The following SGCD variants were observed in gnomAD, a reference collection of about 807,000 sequenced individuals.
SGCD encodes delta-sarcoglycan.
A neutral mutation model predicts 36.6 loss-of-function variants in SGCD; 18 were observed. The ratio of observed to expected loss-of-function variants is 0.49; its 90% confidence interval spans 0.34 to 0.73. The LOEUF (loss-of-function observed/expected upper bound fraction) is 0.73. Ranked by LOEUF, SGCD falls within the 30% of genes least tolerant of loss-of-function variation. SGCD has a pLI of 0.01. For missense variants in SGCD, 387 were observed against 346.7 expected, an observed-to-expected ratio of 1.12 and a Z score of -0.92; for synonymous variants, 133 against 130.6, an observed-to-expected ratio of 1.02 and a Z score of -0.12.
chr5:156,486,321 C>A (rs1305618306), intron 3 of SGCD, among the ~76,000 whole-genome samples: 1 of 152,048 alleles, frequency 6.6e-6, no homozygotes, highest in Non-Finnish European at 1.5e-5. Flanking sequence ...AGAAAGGCTG[C>A]CCCTGAGACA....
At chr5:155,992,357 C>T (rs759548340) in intron 1 of SGCD, among the ~76,000 whole-genome samples, 22 of 152,158 alleles carry the variant, frequency 1.4e-4, no homozygotes, top group Admixed American at 3.3e-4. Flanking sequence ...AGCGCTGCCT[C>T]GGGTGTGCAG....
chr5:155,954,120 A>G (rs185986931), intron 1 of SGCD, among the ~76,000 whole-genome samples: 49 of 152,064 alleles, frequency 3.2e-4, no homozygotes, highest in Admixed American at 2.8e-3. Flanking sequence ...CTAAAACTTG[A>G]CTCTTCTCCA....
intron 1 of SGCD, among the ~76,000 whole-genome samples, chr5:156,055,579 C>T (rs1185570101): frequency 6.8e-6 from 1 of 146,334 alleles, no homozygotes; most frequent in Non-Finnish European, 1.5e-5. Flanking sequence ...CTCACATATA[C>T]CTCTACTATC....
chr5:156,177,588 T>C (rs1444464912), intron 3 of SGCD, among the ~76,000 whole-genome samples: 3 of 152,182 alleles, frequency 2.0e-5, no homozygotes, highest in Non-Finnish European at 4.4e-5. Context: ...AAGGGATAAT[T>C]TATATACAAT....
chr5:156,110,741 T>C (rs1380510949), intron 1 of SGCD, among the ~76,000 whole-genome samples: 1 of 152,134 alleles, frequency 6.6e-6, no homozygotes, highest in Non-Finnish European at 1.5e-5. Context: ...GGAGTAATTA[T>C]CAGTAATGTT....
intron 3 of SGCD, among the ~76,000 whole-genome samples, chr5:156,450,291 C>A (rs963464761): frequency 2.0e-5 from 3 of 151,976 alleles, no homozygotes; most frequent in South Asian, 2.1e-4. Flanking sequence ...TCAATGGGAA[C>A]CTAGGTGCAG....
At chr5:156,406,790 TTATATATATATATATATA>T (rs200600544) in intron 3 of SGCD, among the ~76,000 whole-genome samples, 1 of 75,656 alleles carries the variant, frequency 1.3e-5, no homozygotes, top group African/African-American at 5.1e-5. Context: ...ATAGGAGATT[TTATATATATATATATATA>T]TATATATATA....
At chr5:155,783,215 CT>C in the SGCD span, among the ~76,000 whole-genome samples, 1 of 152,134 alleles carries the variant, frequency 6.6e-6, no homozygotes, top group Non-Finnish European at 1.5e-5. Flanking sequence ...TTGTGAGTGC[CT>C]TTGGCGGGAA....
chr5:156,332,652 GTCTAAGTC>G (rs776659244), intron 2 of SGCD, among the ~76,000 whole-genome samples: 13 of 152,202 alleles, frequency 8.5e-5, no homozygotes, highest in Non-Finnish European at 1.9e-4. Flanking sequence ...TGTTGAGATG[GTCTAAGTC>G]TCTGTTGAGC....
intron 3 of SGCD, among the ~76,000 whole-genome samples, chr5:156,126,887 T>A (rs1762184957): frequency 6.6e-6 from 1 of 152,228 alleles, no homozygotes; most frequent in African/African-American, 2.4e-5. Context: ...AATTCTTCAT[T>A]TCCCAGGCTT....
the SGCD span, among the ~76,000 whole-genome samples, chr5:155,728,016 C>G: frequency 6.6e-6 from 1 of 152,262 alleles, no homozygotes; most frequent in Non-Finnish European, 1.5e-5. Context: ...CCACCCCGCC[C>G]GCGTTTCGCT....
chr5:156,041,293 G>A (rs1462707687), intron 1 of SGCD, among the ~76,000 whole-genome samples: 1 of 152,222 alleles, frequency 6.6e-6, no homozygotes, highest in African/African-American at 2.4e-5. Context: ...CCCAGAATGG[G>A]TTGATTGCCT....
intron 1 of SGCD, among the ~76,000 whole-genome samples, chr5:155,897,289 A>C (rs987955231): frequency 1.3e-5 from 2 of 152,208 alleles, no homozygotes; most frequent in African/African-American, 4.8e-5. Flanking sequence ...TACTATAAAA[A>C]TATGATATAA....
At chr5:156,588,990 G>T (rs1262736570) in intron 4 of SGCD, among the ~76,000 whole-genome samples, 4 of 132,720 alleles carry the variant, frequency 3.0e-5, no homozygotes, top group Admixed American at 1.5e-4. Flanking sequence ...AATCTATATT[G>T]TGTGTGTGTG....
intron 1 of SGCD, among the ~76,000 whole-genome samples, chr5:155,906,036 C>T (rs1269894493): frequency 6.6e-6 from 1 of 152,028 alleles, no homozygotes; most frequent in Non-Finnish European, 1.5e-5. Context: ...TCCATTTTTC[C>T]AACAGCATGG....
In SGCD at chr5:156,766,109, T is replaced by G. The variant is rs1341412629; in HGVS notation, c.*6719T>G. 6.6e-6 allele frequency: 1 copy of G among 152,042 alleles called. No homozygotes were observed. The highest frequency in any genetic ancestry group is 2.4e-5 in the African/African-American group (1 of 41,366). The allele number at this position is 152,042 out of a possible 1,614,324, so 9.4% of individuals were successfully genotyped here. A position where few individuals can be genotyped will look rare whatever the true frequency, so the allele number is the denominator to read the frequency against. On this transcript the variant is annotated 3_prime_UTR_variant, in exon 9 of 9. Coordinates refer to ENST00000337851, the MANE Select transcript of SGCD (RefSeq NM_000337.6). Reference sequence around the variant, plus strand: ...TTAGGAAAAAATTGTAATACTCAGTTATCTGTGTGTGTGGCTAAACAAGTC... The same window carrying G: ...TTAGGAAAAAATTGTAATACTCAGTGATCTGTGTGTGTGGCTAAACAAGTC...
chr5:156,678,303 T>TA (rs1753592107), intron 7 of SGCD, among the ~76,000 whole-genome samples: 1 of 152,136 alleles, frequency 6.6e-6, no homozygotes, highest in Non-Finnish European at 1.5e-5. Flanking sequence ...AATGGGTAGG[T>TA]AGAGAGACAC....
chr5:156,259,753 A>G (rs1561588539), intron 3 of SGCD, among the ~76,000 whole-genome samples: 1 of 152,038 alleles, frequency 6.6e-6, no homozygotes, highest in East Asian at 1.9e-4. Flanking sequence ...GTAGGATTAG[A>G]TAAGGTCGTC....
intron 3 of SGCD, among the ~76,000 whole-genome samples, chr5:156,138,055 C>T (rs559799657): frequency 6.6e-6 from 1 of 152,206 alleles, no homozygotes; most frequent in African/African-American, 2.4e-5. Context: ...TTCATTCAGT[C>T]GTGATATTTT....
Sources: gnomAD v4.1 joint callset for allele counts (sites outside exome capture counted in the v4.1 genomes callset) on GRCh38, gnomAD v4.1.1 for gene constraint, MANE v1.5 for transcripts, NCBI Gene and HGNC (gene_info 2026-07-23, HGNC 2026-07-21) for gene names.